PCLO: variants seen among roughly 807,000 people sequenced by gnomAD.
The protein encoded by PCLO is piccolo presynaptic cytomatrix protein.
A neutral mutation model predicts 427.5 loss-of-function variants in PCLO; 82 were observed. The observed-to-expected ratio is 0.19, with a 90% CI of 0.16 to 0.23. PCLO has a LOEUF of 0.23. PCLO is among the 10% of genes least tolerant of loss of function. The pLI, the probability that PCLO is intolerant of heterozygous loss-of-function variation, is 1.00. For missense variants in PCLO, 6,239 were observed against 6,115.9 expected (o/e 1.02, Z -0.67); for synonymous variants, 2,357 against 2,155.4 (o/e 1.09, Z -2.59).
intron 3 of PCLO, among the ~76,000 whole-genome samples, chr7:83,105,656 C>T (rs1039373171): frequency 1.1e-4 from 17 of 152,130 alleles, no homozygotes; most frequent in African/African-American, 3.6e-4. Flanking sequence ...CCACTGGACA[C>T]GGACACTGTG....
chr7:82,786,985 T>C (rs62466909), intron 22 of PCLO, among the ~76,000 whole-genome samples: 175 of 152,140 alleles, frequency 1.2e-3, no homozygotes, highest in Non-Finnish European at 2.2e-3. Context: ...TTATCCAGTC[T>C]ATCACTGATA....
rs771516068 is a variant in PCLO at position 83,154,860 on chromosome 7, G to A, written c.1781C>T (p.Thr594Ile). The A allele has an allele frequency of 6.2e-6, 10 of 1,614,004 alleles. No homozygotes were observed. The highest frequency in any genetic ancestry group is 8.5e-6 in the Non-Finnish European group (10 of 1,179,856). ...LPKTICPLCN[T>I]TELLLHVPEK... ...TGGAACATGCAACAGAAGTTCAGTG[G>A]TATTGCAAAGAGGACAGATGGTTTT... The change falls in exon 2 of 25, where the codon ACC (threonine) becomes ATC (isoleucine). Residue 594 changes from threonine (T) to isoleucine (I), a missense_variant. Thr to Ile is a moderately conservative substitution (Grantham distance 89). Around this residue, in one of 5 missense-constraint regions of PCLO, gnomAD observed 4,677 missense variants for 4,468.4 expected, o/e 1.05. Transcript: ENST00000333891.
chr7:82,949,890 T>A lies in PCLO; in HGVS notation c.10698A>T (p.Gly3566=), dbSNP rs767806190. The A allele has an allele frequency of 4.3e-6, 7 of 1,613,760 alleles. No homozygotes were observed. The Admixed American group carries it at 1.0e-4, about 23-fold the overall frequency. Residue 3566 remains glycine (G), a synonymous_variant, in exon 6 of 25, where the codon GGA becomes GGT. Coordinates refer to ENST00000333891, the MANE Select transcript of PCLO (RefSeq NM_033026.6). ...PEKTYKGGSL[G]CQTEADSDTQ... ...TGTCTGAATCTGCTTCTGTTTGACA[T>A]CCTAAACTGCCCCCTTTGTAAGTCT...
chr7:83,006,572 A>C (rs1191968253), intron 3 of PCLO, among the ~76,000 whole-genome samples: 3 of 151,500 alleles, frequency 2.0e-5, no homozygotes, highest in African/African-American at 4.8e-5. Context: ...TTGGAAATAC[A>C]GTAAAAAAAA....
rs1392905428 is a variant in PCLO, at chr7:82,977,406, T to TTATG, written c.3301-10920_3301-10919insCATA. On this transcript the variant is annotated intron_variant, in intron 3 of 24. Coordinates refer to ENST00000333891, the MANE Select transcript of PCLO (RefSeq NM_033026.6). ...TTTATTTATTTATTTATTTATTTAT[T>TTATG]TATTTATTTATTTATTTATTTTTGG... Among the ~76,000 whole-genome samples the TTATG allele has an allele frequency of 1.8e-4, 27 of 149,510 alleles. 2 individuals are homozygous for TTATG. Among genetic ancestry groups the TTATG allele is most frequent in the African/African-American group, 6.6e-4 (27 of 40,868 alleles).
At chr7:83,145,829 C>T (rs888004849) in intron 2 of PCLO, among the ~76,000 whole-genome samples, 26 of 152,126 alleles carry the variant, frequency 1.7e-4, no homozygotes, top group African/African-American at 5.6e-4. Flanking sequence ...AATAAAGTCA[C>T]CTGACCAAAT....
At chr7:82,887,095 C>T (rs1049427439) in intron 9 of PCLO, among the ~76,000 whole-genome samples, 1 of 152,062 alleles carries the variant, frequency 6.6e-6, no homozygotes, top group Admixed American at 6.6e-5. Context: ...TGACACTATC[C>T]CGTAGCTTTT....
intron 22 of PCLO, among the ~76,000 whole-genome samples, chr7:82,786,636 A>C (rs146530960): frequency 0.01 from 1,548 of 152,286 alleles, 18 homozygotes; most frequent in African/African-American, 0.035. Flanking sequence ...GTACATGTGC[A>C]GAGCATGCAG....
intron 3 of PCLO, among the ~76,000 whole-genome samples, chr7:83,012,306 T>C (rs1284437305): frequency 6.6e-6 from 1 of 151,752 alleles, no homozygotes; most frequent in Non-Finnish European, 1.5e-5. Context: ...GAGCCTAGAG[T>C]TGACTGATAA....
chr7:82,965,275 G>C (rs533668102), intron 4 of PCLO, among the ~76,000 whole-genome samples: 1 of 139,346 alleles, frequency 7.2e-6, no homozygotes, highest in South Asian at 2.4e-4. Context: ...TTGGATTTTA[G>C]TTACGTCATT....
chr7:82,902,265 T>C (rs1457794211), intron 9 of PCLO, among the ~76,000 whole-genome samples: 4 of 151,810 alleles, frequency 2.6e-5, no homozygotes, highest in East Asian at 2.0e-4. Context: ...GATGAGTTCA[T>C]GTCCTTTGTA....
intron 3 of PCLO, among the ~76,000 whole-genome samples, chr7:83,089,937 A>G (rs1024942838): frequency 2.0e-5 from 3 of 152,176 alleles, no homozygotes; most frequent in Non-Finnish European, 4.4e-5. Flanking sequence ...CGTTTATATA[A>G]AATTTGCAAC....
chr7:82,929,177 G>A (rs562060461), intron 6 of PCLO, among the ~76,000 whole-genome samples: 57 of 152,176 alleles, frequency 3.7e-4, no homozygotes, highest in African/African-American at 1.3e-3. Context: ...TTTAATGGGG[G>A]ATAATAAATT....
intron 10 of PCLO, among the ~76,000 whole-genome samples, chr7:82,850,124 T>G (rs530361840): frequency 5.9e-5 from 9 of 152,236 alleles, no homozygotes; most frequent in African/African-American, 2.2e-4. Flanking sequence ...TTCTCCTGCC[T>G]TAGGCTCCTG....
At chr7:82,907,167 T>C (rs1283046706) in intron 8 of PCLO, among the ~76,000 whole-genome samples, 1 of 151,974 alleles carries the variant, frequency 6.6e-6, no homozygotes, top group Non-Finnish European at 1.5e-5. Context: ...GTTTGATAAA[T>C]TAGGTGGAAA....
chr7:82,810,454 T>TA (rs34341741), intron 20 of PCLO, among the ~76,000 whole-genome samples: 56,227 of 151,262 alleles, frequency 0.37, 12,902 homozygotes, highest in East Asian at 0.72. Flanking sequence ...AGTGTATTAC[T>TA]AAGTACCAAG....
chr7:83,012,822 C>T (rs1209386865), intron 3 of PCLO, among the ~76,000 whole-genome samples: 2 of 152,032 alleles, frequency 1.3e-5, no homozygotes, highest in African/African-American at 2.4e-5. Flanking sequence ...AGATTAAACT[C>T]TAATCTGAGA....
rs984720787 is a variant in PCLO at position 82,758,327 on chromosome 7, T to C, written c.*248A>G. On this transcript the variant is annotated 3_prime_UTR_variant, in exon 25 of 25. Transcript: ENST00000333891. Reference sequence around the variant, plus strand: ...ATCAAAATTTGTTTCACAGTTTCTCTTCACAGCCATGGGAAATTCAAGGTC... The same window carrying C: ...ATCAAAATTTGTTTCACAGTTTCTCCTCACAGCCATGGGAAATTCAAGGTC... 21 of 351,162 alleles carry C rather than the reference T, an allele frequency of 6.0e-5. No homozygotes were observed. The highest frequency in any genetic ancestry group is 3.6e-5 in the Non-Finnish European group (7 of 195,662). The allele number at this position is 351,162 out of a possible 1,614,324, so 21.8% of individuals were successfully genotyped here. A position where few individuals can be genotyped will look rare whatever the true frequency, so the allele number is the denominator to read the frequency against.
Position 83,004,882 on chromosome 7 carries a change from T to A in PCLO, c.3301-38395A>T, listed in dbSNP as rs1192994602. On this transcript the variant is annotated intron_variant, in intron 3 of 24. Coordinates refer to ENST00000333891, the MANE Select transcript of PCLO (RefSeq NM_033026.6). ...GGCAAAGGACATGGATAGTTTTTTT[T>A]ATTATAAGTCATACAAGTAAATATT... Among the ~76,000 whole-genome samples, 3 of 151,670 alleles carry A rather than the reference T, an allele frequency of 2.0e-5. No homozygotes were observed. The Admixed American group carries it at 2.0e-4, about 10-fold the overall frequency.
Sources: gnomAD v4.1 joint callset for allele counts (sites outside exome capture counted in the v4.1 genomes callset) on GRCh38, gnomAD v4.1.1 for gene constraint, gnomAD v4.1.1 regional missense constraint, MANE v1.5 for transcripts, NCBI Gene and HGNC (gene_info 2026-07-23, HGNC 2026-07-21) for gene names.